TFR2: variants seen among roughly 807,000 people sequenced by gnomAD.
TFR2 encodes transferrin receptor protein 2.
TFR2 carries 64 observed loss-of-function variants against 91.9 expected under a neutral mutation model. The observed-to-expected ratio is 0.70, with a 90% CI of 0.57 to 0.86. The LOEUF is 0.86. Ranked by LOEUF, TFR2 falls within the 40% of genes least tolerant of loss-of-function variation. The pLI is 0.00. For missense variants in TFR2, 950 were observed against 1,080.5 expected, an observed-to-expected ratio of 0.88 and a Z score of 1.69; for synonymous variants, 454 against 459.6, an observed-to-expected ratio of 0.99 and a Z score of 0.15.
chr7:100,628,506 C>T lies in TFR2; in HGVS notation c.1391-200G>A, dbSNP rs41303510. On this transcript the variant is annotated intron_variant, in intron 10 of 17. Coordinates refer to ENST00000223051, the MANE Select transcript of TFR2 (RefSeq NM_003227.4). The stretch of plus-strand genomic sequence containing the variant: ...CCTTGACCTCTCAGGTTCAAGTCAT[C>T]CTCTTGCCTCAGCCTCCCAAGTAGC... 0.16 allele frequency among the ~76,000 whole-genome samples: 24,804 copies of T among 151,500 alleles called. 2,240 individuals carry two copies. The highest frequency in any genetic ancestry group is 0.2 in the Non-Finnish European group (13,841 of 67,832).
In TFR2 at chr7:100,641,474, T is replaced by TA. The variant is rs1236027088; in HGVS notation, c.33+2dup. The TA allele has an allele frequency of 5.0e-6, 8 of 1,613,854 alleles. No homozygotes were observed. Among genetic ancestry groups the TA allele is most frequent in the Non-Finnish European group, 6.8e-6 (8 of 1,179,864 alleles). The stretch of plus-strand genomic sequence containing the variant: ...GGGGTCTTCCCAATCCCACTAGTCT[T>TA]ACCGCTCTCTGGAATAGACCCCAAA... On this transcript the variant is annotated splice_region_variant and intron_variant, in intron 1 of 17. Transcript: ENST00000223051.
At position 100,640,681 on chromosome 7, in the gene TFR2, C is replaced by T; in HGVS notation, c.473+5G>A. ...GAGAACAGGATGGGGCAGGGCCATC[C>T]CTACCTGATGGTGTCCTCCAGGCGC... is the stretch of plus-strand genomic sequence containing the variant. On this transcript the variant is annotated splice_donor_5th_base_variant and intron_variant, in intron 3 of 17. Transcript: ENST00000223051. 1 of 1,611,860 alleles carries T rather than the reference C, an allele frequency of 6.2e-7. No homozygotes were observed. The highest frequency in any genetic ancestry group is 8.5e-7 in the Non-Finnish European group (1 of 1,179,674).
intron 3 of TFR2, among the ~76,000 whole-genome samples, chr7:100,633,811 C>T (rs139341639): frequency 8.9e-4 from 126 of 142,234 alleles, no homozygotes; most frequent in African/African-American, 3.1e-3. Context: ...CTGGTTCAAG[C>T]CATTTTCCTG....
chr7:100,633,378 C>G lies in TFR2; in HGVS notation c.614+38G>C, dbSNP rs573690977. On this transcript the variant is annotated intron_variant, in intron 4 of 17. Transcript: ENST00000223051. ...GCTGGTGAGCGCCCCGAGCCGCGTC[C>G]CCCTCCCCGCGCGCCCCCCGCCCGC... 8 of 1,608,252 alleles carry G rather than the reference C, an allele frequency of 5.0e-6. No individual in the cohort carries two copies. The African/African-American group carries it at 1.1e-4, about 22-fold the overall frequency.
At chr7:100,635,665 T>C (rs904768245) in intron 3 of TFR2, among the ~76,000 whole-genome samples, 7 of 152,106 alleles carry the variant, frequency 4.6e-5, no homozygotes, top group Non-Finnish European at 7.4e-5. Flanking sequence ...TGTTTCACCA[T>C]GTTGGCCAGG....
chr7:100,621,240 TTGTG>T (rs1478807967), intron 17 of TFR2, 114 bp from the exon 18 acceptor site: 1 of 1,314,908 alleles, frequency 7.6e-7, no homozygotes, highest in Non-Finnish European at 1.0e-6. Context: ...TGTTTTCTTT[TTGTG>T]TTTGTTTTTT....
At chr7:100,628,334 C>A (rs1373212050) in intron 10 of TFR2, 28 bp from the exon 11 acceptor site, 3 of 1,611,722 alleles carry the variant, frequency 1.9e-6, no homozygotes, top group Non-Finnish European at 2.5e-6. Flanking sequence ...GGAGGACAGG[C>A]TTAGCAGGGG....
chr7:100,635,676 C>T (rs112462748), intron 3 of TFR2, among the ~76,000 whole-genome samples: 5,799 of 152,130 alleles, frequency 0.038, 331 homozygotes, highest in African/African-American at 0.12. Flanking sequence ...GTTGGCCAGG[C>T]TGGTCTCGAA....
intron 17 of TFR2, among the ~76,000 whole-genome samples, chr7:100,625,278 C>T (rs1384905979): frequency 2.0e-5 from 3 of 151,892 alleles, no homozygotes; most frequent in Non-Finnish European, 4.4e-5. Context: ...AGGCTGGTCT[C>T]GAACTCCTGA....
chr7:100,620,991 T>A lies in TFR2; in HGVS notation c.2272A>T (p.Thr758Ser), dbSNP rs771404610. The A allele has an allele frequency of 1.2e-6, 2 of 1,610,082 alleles. No individual in the cohort carries two copies. The highest frequency in any genetic ancestry group is 1.7e-6 in the Non-Finnish European group (2 of 1,178,518). ...LRLLRSNSSG[T>S]PGATSSTGFQ... Reference sequence around the variant, plus strand: ...CCAGTGGAGGAGGTGGCCCCGGGGGTCCCGGAGCTGTTGGAGCGCAGCAGC... The same window carrying A: ...CCAGTGGAGGAGGTGGCCCCGGGGGACCCGGAGCTGTTGGAGCGCAGCAGC... Residue 758 changes from threonine to serine, a missense_variant, in exon 18 of 18, where the codon ACC becomes TCC. By Grantham distance (58) the Thr-to-Ser change is moderately conservative (BLOSUM62 1). Coordinates refer to ENST00000223051, the MANE Select transcript of TFR2 (RefSeq NM_003227.4).
At chr7:100,629,892 C>A (rs985027156) in intron 9 of TFR2, among the ~76,000 whole-genome samples, 1 of 152,104 alleles carries the variant, frequency 6.6e-6, no homozygotes, top group African/African-American at 2.4e-5. Flanking sequence ...AGTACAGGCG[C>A]CTGCCACCAT....
chr7:100,621,013 C>T lies in TFR2; in HGVS notation c.2250G>A (p.Leu750=), dbSNP rs1352362365. 12 of 1,603,702 alleles carry T rather than the reference C, an allele frequency of 7.5e-6. No homozygotes were observed. The highest frequency in any genetic ancestry group is 1.3e-5 in the African/African-American group (1 of 74,812). ...TLGALLDHLR[L]LRSNSSGTPG... ...GGGTCCCGGAGCTGTTGGAGCGCAGCAGCCGCAGGTGGTCCAGCAGGGCGC... is the reference window on the plus strand; with the variant it reads ...GGGTCCCGGAGCTGTTGGAGCGCAGTAGCCGCAGGTGGTCCAGCAGGGCGC... Residue 750 remains leucine (L), a synonymous_variant, in exon 18 of 18, where the codon CTG becomes CTA. Transcript: ENST00000223051.
intron 17 of TFR2, among the ~76,000 whole-genome samples, chr7:100,623,472 T>C (rs1803164494): frequency 6.6e-6 from 1 of 151,522 alleles, no homozygotes; most frequent in Non-Finnish European, 1.5e-5. Context: ...CTGACCAAAA[T>C]CACTCCTAAA....
chr7:100,631,497 A>C, intron 8 of TFR2: 1 of 328,062 alleles, frequency 3.0e-6, no homozygotes, highest in Non-Finnish European at 5.8e-6. Context: ...GTGGGGGGGC[A>C]CCTGTAATCC....
chr7:100,622,684 C>G (rs888932847), intron 17 of TFR2, among the ~76,000 whole-genome samples: 1 of 152,356 alleles, frequency 6.6e-6, no homozygotes, highest in African/African-American at 2.4e-5. Context: ...CAGCTGGGCA[C>G]AGTGGCTCAT....
At position 100,628,340 on chromosome 7, in the gene TFR2, AGGG is replaced by A; in HGVS notation, c.1391-37_1391-35del. 6 of 1,606,030 alleles carry A rather than the reference AGGG, an allele frequency of 3.7e-6. No homozygotes were observed. In the Admixed American group the frequency reaches 1.0e-4, roughly 27 times the overall value. Reference sequence around the variant, plus strand: ...AGAGGGGAAGGAGGACAGGCTTAGCAGGGGCCAAGCAAAGACCCTCCCCTTGTC... The same window carrying A: ...AGAGGGGAAGGAGGACAGGCTTAGCAGCCAAGCAAAGACCCTCCCCTTGTC... On this transcript the variant is annotated intron_variant, in intron 10 of 17. Transcript: ENST00000223051.
chr7:100,623,396 T>G (rs1803162096), intron 17 of TFR2, among the ~76,000 whole-genome samples: 1 of 152,226 alleles, frequency 6.6e-6, no homozygotes, highest in Non-Finnish European at 1.5e-5. Flanking sequence ...TCTAAACACC[T>G]GACATCGGTC....
At chr7:100,627,513 TG>T in intron 15 of TFR2, 22 bp from the exon 16 acceptor site, 1 of 1,613,552 alleles carries the variant, frequency 6.2e-7, no homozygotes, top group Non-Finnish European at 8.5e-7. Flanking sequence ...GGGTGGACGC[TG>T]GGGCGGAGGC....
In TFR2 at chr7:100,621,008, C is replaced by A; in HGVS notation, c.2255G>T (p.Arg752Leu). 1 of 1,603,256 alleles carries A rather than the reference C, an allele frequency of 6.2e-7. No homozygotes were observed. Reference sequence around the variant, plus strand: ...CCCGGGGGTCCCGGAGCTGTTGGAGCGCAGCAGCCGCAGGTGGTCCAGCAG... The same window carrying A: ...CCCGGGGGTCCCGGAGCTGTTGGAGAGCAGCAGCCGCAGGTGGTCCAGCAG... ...GALLDHLRLL[R>L]SNSSGTPGAT... The change falls in exon 18 of 18, where the codon CGC (arginine) becomes CTC (leucine). Residue 752 changes from arginine (R) to leucine (L), a missense_variant. Transcript: ENST00000223051.
Sources: allele counts gnomAD v4.1 joint callset (sites outside exome capture counted in the v4.1 genomes callset), GRCh38; gene constraint gnomAD v4.1.1; transcripts MANE v1.5; gene names NCBI Gene and HGNC (gene_info 2026-07-23, HGNC 2026-07-21).